Variants in CD82 observed in about 807,000 individuals in gnomAD.
The protein encoded by CD82 is CD82 antigen.
A neutral mutation model predicts 37.4 loss-of-function variants in CD82; 36 were observed. That is an observed-to-expected ratio of 0.96 (90% CI 0.74 to 1.27). CD82 has a LOEUF of 1.27. CD82 is among the 50% of genes most tolerant of loss of function. CD82 has a pLI of 0.00. For synonymous variants in CD82, 158 were observed against 137.4 expected, an observed-to-expected ratio of 1.15 and a Z score of -1.05; for missense variants, 340 against 347.0, an observed-to-expected ratio of 0.98 and a Z score of 0.16.
intron 3 of CD82, chr11:44,594,929 A>C: frequency 1.7e-6 from 1 of 588,878 alleles, no homozygotes. Context: ...TTGACCAAGC[A>C]CTGGATTCCT....
Position 44,619,401 on chromosome 11 carries a change from C to T in CD82, c.*275C>T. ...AATGCTCCCCACAGCGTCCCTGGCG[C>T]AGGTGGGCTGGACTTCTACCTGCCC... On this transcript the variant is annotated 3_prime_UTR_variant, in exon 10 of 10. Coordinates refer to ENST00000227155, the MANE Select transcript of CD82 (RefSeq NM_002231.4). 1 of 490,572 alleles carries T rather than the reference C, an allele frequency of 2.0e-6. No homozygotes were observed. The highest frequency in any genetic ancestry group is 3.7e-6 in the Non-Finnish European group (1 of 269,094). 30.4% of individuals were successfully genotyped at this position (490,572 alleles called of 1,614,324 possible).
intron 6 of CD82, chr11:44,608,110 T>G (rs1853425916): frequency 6.6e-6 from 1 of 152,172 alleles, no homozygotes; most frequent in African/African-American, 2.4e-5. Flanking sequence ...AACAATATAT[T>G]TTTTTCTTTC....
At chr11:44,594,421 G>A (rs1853191357) in intron 2 of CD82, among the ~76,000 whole-genome samples, 1 of 141,430 alleles carries the variant, frequency 7.1e-6, no homozygotes, top group South Asian at 2.2e-4. Flanking sequence ...CCCCAGTGCA[G>A]TGGCTGATCC....
chr11:44,596,989 G>T (rs747138013), intron 3 of CD82: 2 of 456,248 alleles, frequency 4.4e-6, no homozygotes, highest in South Asian at 3.1e-5. Context: ...GGCTTCCTGG[G>T]GTTCTGGGTG....
chr11:44,601,748 C>T (rs1853312769), intron 4 of CD82, among the ~76,000 whole-genome samples: 1 of 152,120 alleles, frequency 6.6e-6, no homozygotes, highest in East Asian at 1.9e-4. Context: ...ATGCTTTGGC[C>T]CGAGCCCCAC....
chr11:44,594,746 C>T, intron 3 of CD82, 21 bp downstream of exon 3: 2 of 1,595,304 alleles, frequency 1.3e-6, no homozygotes, highest in Non-Finnish European at 1.7e-6. Flanking sequence ...CCCATGCCGT[C>T]CTGACCACCT....
At chr11:44,612,066 G>T (rs574589087) in intron 6 of CD82, among the ~76,000 whole-genome samples, 2 of 152,322 alleles carry the variant, frequency 1.3e-5, no homozygotes, top group Admixed American at 1.3e-4. Context: ...TTTCCACACC[G>T]TGGGGATCAC....
chr11:44,570,624 G>A (rs12286369), intron 1 of CD82, among the ~76,000 whole-genome samples: 3 of 152,008 alleles, frequency 2.0e-5, no homozygotes, highest in Admixed American at 6.5e-5. Context: ...CCTGTGGGCC[G>A]CACTTCTGCA....
chr11:44,601,138 C>T (rs1853302827), intron 4 of CD82, among the ~76,000 whole-genome samples: 1 of 152,158 alleles, frequency 6.6e-6, no homozygotes, highest in African/African-American at 2.4e-5. Flanking sequence ...AGGGGACAGC[C>T]GTGCCACTCC....
intron 6 of CD82, among the ~76,000 whole-genome samples, chr11:44,612,997 G>C (rs557835945): frequency 1.3e-5 from 2 of 152,222 alleles, no homozygotes; most frequent in African/African-American, 4.8e-5. Context: ...CCATCTGCAG[G>C]ATATGGGTTC....
At chr11:44,600,949 CCA>C (rs1853299556) in intron 4 of CD82, among the ~76,000 whole-genome samples, 1 of 152,212 alleles carries the variant, frequency 6.6e-6, no homozygotes, top group South Asian at 2.1e-4. Flanking sequence ...GCAGGGTGAG[CCA>C]CAGTGTGGAA....
chr11:44,590,610 C>CAAAAAAAAAAAAAA lies in CD82; in HGVS notation c.-21+3061_-21+3074dup, dbSNP rs56665683. 1.1e-3 allele frequency among the ~76,000 whole-genome samples: 37 copies of CAAAAAAAAAAAAAA among 33,446 alleles called. 4 individuals are homozygous for CAAAAAAAAAAAAAA. Among genetic ancestry groups the CAAAAAAAAAAAAAA allele is most frequent in the East Asian group, 2.8e-3 (2 of 714 alleles). 21.9% of individuals were successfully genotyped at this position (33,446 alleles called of 152,430 possible). ...TGGGCAACAGAGGGAGATTCTGTCT[C>CAAAAAAAAAAAAAA]AAAAAAAAAAAAAAAAAAAAGATGA... On this transcript the variant is annotated intron_variant, in intron 2 of 9. Transcript: ENST00000227155.
chr11:44,583,331 C>T (rs970562332), intron 1 of CD82, among the ~76,000 whole-genome samples: 12 of 152,226 alleles, frequency 7.9e-5, no homozygotes. Flanking sequence ...ACCCTCCTGT[C>T]AGAGAAGCCC....
At chr11:44,617,447 T>C (rs1853580700) in intron 7 of CD82, among the ~76,000 whole-genome samples, 1 of 151,034 alleles carries the variant, frequency 6.6e-6, no homozygotes, top group South Asian at 2.1e-4. Context: ...TAATCCCAGC[T>C]ACTCAGGAGG....
intron 2 of CD82, among the ~76,000 whole-genome samples, chr11:44,588,728 T>A (rs1853097384): frequency 6.6e-6 from 1 of 152,024 alleles, no homozygotes; most frequent in Admixed American, 6.5e-5. Flanking sequence ...CTAACCAACA[T>A]GTGTCTTGGG....
chr11:44,612,650 T>TTTTTA (rs1853501587), intron 6 of CD82, among the ~76,000 whole-genome samples: 1 of 143,314 alleles, frequency 7.0e-6, no homozygotes, highest in Non-Finnish European at 1.5e-5. Flanking sequence ...TTTTTTTTTT[T>TTTTTA]GAGATGGAGT....
intron 8 of CD82, 57 bp from the exon 9 acceptor site, chr11:44,618,583 C>A: frequency 6.9e-7 from 1 of 1,441,096 alleles, no homozygotes; most frequent in Non-Finnish European, 9.6e-7. Context: ...GGTGGTTCTG[C>A]ATGGCGGGGT....
At position 44,619,808 on chromosome 11, in the gene CD82, T is replaced by C. The variant is rs1853637232; in HGVS notation, c.*682T>C. ...AAAAAAATTGGGGAGGGAAGGGCGT[T>C]AGATAAGGCACTCTGGGCTGTCAGG... On this transcript the variant is annotated 3_prime_UTR_variant, in exon 10 of 10. Coordinates refer to ENST00000227155, the MANE Select transcript of CD82 (RefSeq NM_002231.4). 6.7e-6 allele frequency: 1 copy of C among 150,240 alleles called. No individual in the cohort carries two copies. The highest frequency in any genetic ancestry group is 2.5e-5 in the African/African-American group (1 of 40,800). 9.3% of individuals were successfully genotyped at this position (150,240 alleles called of 1,614,324 possible).
intron 1 of CD82, among the ~76,000 whole-genome samples, chr11:44,584,050 A>C (rs933210786): frequency 6.6e-6 from 1 of 152,182 alleles, no homozygotes; most frequent in African/African-American, 2.4e-5. Flanking sequence ...GTTTCTTCCC[A>C]CCTTGGTGGT....
Sources: allele counts gnomAD v4.1 joint callset (sites outside exome capture counted in the v4.1 genomes callset), GRCh38; gene constraint gnomAD v4.1.1; transcripts MANE v1.5; gene names NCBI Gene and HGNC (gene_info 2026-07-23, HGNC 2026-07-21).